Variants in FGF13 observed in about 807,000 individuals in gnomAD.
The protein encoded by FGF13 is fibroblast growth factor 13.
Under a neutral mutation model 19.5 loss-of-function variants are expected in FGF13, and 2 were observed. The ratio of observed to expected loss-of-function variants is 0.10; its 90% CI spans 0.04 to 0.32. The LOEUF (loss-of-function observed/expected upper bound fraction) is 0.32. Among genes scored for constraint, FGF13 ranks in the 10% least tolerant of loss-of-function variants. FGF13 has a pLI of 1.00. For missense variants in FGF13, 113 were observed against 192.7 expected (o/e 0.59, Z 2.45); for synonymous variants, 72 against 76.9 (o/e 0.94, Z 0.33).
chrX:139,145,616 G>A lies in FGF13; in HGVS notation c.-113+57800C>T, dbSNP rs189796810. On this transcript the variant is annotated intron_variant, in intron 1 of 2. Coordinates refer to the FGF13 transcript ENST00000421460. ...GTGGTGCCCCAGACCCACCAGCACC[G>A]GTCCCTTTCTGCACCTTTCCTCTCA... Among the ~76,000 whole-genome samples, 20 of 109,622 alleles carry A rather than the reference G, an allele frequency of 1.8e-4. No homozygotes were observed. The East Asian group carries it at 5.5e-3, about 30-fold the overall frequency.
intron 3 of FGF13, among the ~76,000 whole-genome samples, chrX:138,750,413 T>C (rs908596994): frequency 1.1e-4 from 12 of 111,275 alleles, no homozygotes; most frequent in African/African-American, 3.9e-4. Context: ...AAAGACAGCT[T>C]TAGTTAACAT....
chrX:138,988,452 C>A (rs2092002243), intron 1 of FGF13, among the ~76,000 whole-genome samples: 1 of 112,237 alleles, frequency 8.9e-6, no homozygotes, highest in Admixed American at 9.5e-5. Flanking sequence ...CAGCTGGGAT[C>A]TCTAAATCAT....
downstream of FGF13, among the ~76,000 whole-genome samples, chrX:138,852,948 A>T (rs1220636453): frequency 1.8e-5 from 2 of 111,214 alleles, no homozygotes; most frequent in East Asian, 5.7e-4. Flanking sequence ...CAACAAACAC[A>T]TTAGAAAAAA....
At chrX:138,779,006 C>T (rs752930490) in intron 3 of FGF13, among the ~76,000 whole-genome samples, 1 of 112,388 alleles carries the variant, frequency 8.9e-6, no homozygotes, top group East Asian at 2.8e-4. Flanking sequence ...GGGTCCCTGA[C>T]TCCTGACCCC....
intron 1 of FGF13, among the ~76,000 whole-genome samples, chrX:139,147,862 G>GTT (rs34718422): frequency 3.1e-4 from 31 of 101,138 alleles, no homozygotes; most frequent in African/African-American, 1.1e-3. Flanking sequence ...GTAACTCTGG[G>GTT]TTTTTTTTTT....
intron 1 of FGF13, among the ~76,000 whole-genome samples, chrX:139,072,009 CAAAAAAAAAA>C (rs547217409): frequency 2.0e-4 from 5 of 24,845 alleles, no homozygotes; most frequent in Non-Finnish European, 2.7e-4. Flanking sequence ...GATTCCATCT[CAAAAAAAAAA>C]AAAAAAAAAA....
chrX:138,886,567 G>A (rs2091452702), intron 1 of FGF13, among the ~76,000 whole-genome samples: 1 of 111,952 alleles, frequency 8.9e-6, no homozygotes, highest in Non-Finnish European at 1.9e-5. Flanking sequence ...CAAAACCTTA[G>A]TAGTTTCATG....
rs760044812 is a variant in FGF13 at position 138,964,447 on chromosome X, G to A, written c.-112-99797C>T. 7.2e-5 allele frequency among the ~76,000 whole-genome samples: 8 copies of A among 111,358 alleles called. 2 individuals are homozygous for A. In the South Asian group the frequency reaches 3.1e-3, roughly 42 times the overall value. ...TAGGATTTTTAAAATATCCAGAGGGGGTGATCAGGTGTCTTAGAGATAAGG... is the reference window on the plus strand; with the variant it reads ...TAGGATTTTTAAAATATCCAGAGGGAGTGATCAGGTGTCTTAGAGATAAGG... On this transcript the variant is annotated intron_variant, in intron 1 of 2. Coordinates refer to the FGF13 transcript ENST00000421460.
intron 3 of FGF13, among the ~76,000 whole-genome samples, chrX:138,772,655 G>C (rs1214589575): frequency 9.0e-6 from 1 of 111,219 alleles, no homozygotes; most frequent in African/African-American, 3.3e-5. Context: ...TCCATTCAAA[G>C]GCACGTTCTG....
At chrX:139,097,471 T>C (rs143751274) in intron 1 of FGF13, among the ~76,000 whole-genome samples, 188 of 110,948 alleles carry the variant, frequency 1.7e-3, no homozygotes, top group Non-Finnish European at 3.2e-3. Context: ...GCATTCAGGA[T>C]GGCCCAAACC....
Position 138,970,264 on chromosome X carries a change from C to T in FGF13, c.-112-105614G>A, listed in dbSNP as rs1194896732. Among the ~76,000 whole-genome samples the T allele has an allele frequency of 2.7e-5, 3 of 111,377 alleles. No individual in the cohort carries two copies. The Admixed American group carries it at 2.9e-4, about 11-fold the overall frequency. On this transcript the variant is annotated intron_variant, in intron 1 of 2. Coordinates refer to the FGF13 transcript ENST00000421460. The stretch of plus-strand genomic sequence containing the variant: ...AACACAATGTCTGGCACATGGTTGG[C>T]ACTCAATAAGTATTTTTAAAAATAA...
At chrX:138,636,037 C>T (rs1198216154) in intron 3 of FGF13, among the ~76,000 whole-genome samples, 1 of 112,125 alleles carries the variant, frequency 8.9e-6, no homozygotes, top group Admixed American at 9.4e-5. Flanking sequence ...AGAAAATAAA[C>T]ATTCGGTCCT....
intron 1 of FGF13, among the ~76,000 whole-genome samples, chrX:139,022,400 G>A (rs985108274): frequency 2.7e-5 from 3 of 111,932 alleles, no homozygotes; most frequent in Non-Finnish European, 5.7e-5. Flanking sequence ...ACAGGGCATT[G>A]TAAAAATAAT....
intron 1 of FGF13, among the ~76,000 whole-genome samples, chrX:138,723,677 T>C (rs750081209): frequency 2.7e-4 from 30 of 111,628 alleles, no homozygotes; most frequent in Non-Finnish European, 5.3e-4. Flanking sequence ...AACAGAAAAA[T>C]AAAATTAAAC....
chrX:139,052,471 TCAG>T (rs1288146730), intron 1 of FGF13, among the ~76,000 whole-genome samples: 2 of 111,683 alleles, frequency 1.8e-5, no homozygotes, highest in Non-Finnish European at 3.8e-5. Flanking sequence ...CAAAAAGAAG[TCAG>T]CAGCAGCCAA....
chrX:138,840,151 G>A (rs916920309), intron 3 of FGF13, among the ~76,000 whole-genome samples: 3 of 111,836 alleles, frequency 2.7e-5, no homozygotes, highest in Non-Finnish European at 5.6e-5. Context: ...TGGAACATCT[G>A]TATGTTTCTC....
intron 3 of FGF13, among the ~76,000 whole-genome samples, chrX:138,691,757 A>C (rs1018111713): frequency 1.8e-5 from 2 of 111,931 alleles, no homozygotes; most frequent in Admixed American, 1.9e-4. Flanking sequence ...TTATATATCC[A>C]AGAAATCAAT....
intron 1 of FGF13, among the ~76,000 whole-genome samples, chrX:139,043,280 C>T (rs1000032583): frequency 5.4e-5 from 6 of 110,620 alleles, no homozygotes; most frequent in Non-Finnish European, 9.4e-5. Context: ...GGTACAATCT[C>T]GGCTCACTGC....
chrX:138,944,933 G>A (rs1003704018), intron 1 of FGF13, among the ~76,000 whole-genome samples: 1 of 110,557 alleles, frequency 9.0e-6, no homozygotes, highest in African/African-American at 3.3e-5. Context: ...CTAAACTTAT[G>A]TATTGAGTGT....
Sources: allele counts gnomAD v4.1 joint callset (sites outside exome capture counted in the v4.1 genomes callset), GRCh38; gene constraint gnomAD v4.1.1; transcripts MANE v1.5; gene names NCBI Gene and HGNC (gene_info 2026-07-23, HGNC 2026-07-21).